The following ELOVL2 variants were observed in gnomAD, a reference collection of about 807,000 sequenced individuals.
ELOVL2 encodes the protein very long chain fatty acid elongase 2.
Under a neutral mutation model 37.7 loss-of-function variants are expected in ELOVL2, and 38 were observed. The ratio of observed to expected loss-of-function variants is 1.01; its 90% confidence interval spans 0.78 to 1.32. The LOEUF is 1.32. Ranked by LOEUF, ELOVL2 falls within the 40% of genes most tolerant of loss-of-function variation. ELOVL2 has a pLI of 0.00. For synonymous variants in ELOVL2, 115 were observed against 122.3 expected, an observed-to-expected ratio of 0.94 and a Z score of 0.40; for missense variants, 352 against 363.6, an observed-to-expected ratio of 0.97 and a Z score of 0.26.
At position 10,990,433 on chromosome 6, in the gene ELOVL2, C is replaced by A; in HGVS notation, c.515G>T (p.Gly172Val). 6.3e-7 allele frequency: 1 copy of A among 1,590,254 alleles called. No homozygotes were observed. Among genetic ancestry groups the A allele is most frequent in the South Asian group, 1.2e-5 (1 of 84,526 alleles). Reference protein sequence around the residue: ...NWIPCGQSFFGPTLNSFIHIL... With the variant: ...NWIPCGQSFFVPTLNSFIHIL... ...GTGGATAAAACTGTTCAGTGTTGGT[C>A]CAAAGAAACCTATAAAAGTACAGTA... Residue 172 changes from glycine to valine, a missense_variant, in exon 6 of 8, where the codon GGA (glycine) becomes GTA (valine). Physicochemically the swap from Gly to Val is moderately radical, Grantham distance 109. Transcript: ENST00000354666.
chr6:11,043,472 A>AG (rs1783140250), intron 1 of ELOVL2: 1 of 70,964 alleles, frequency 1.4e-5, no homozygotes, highest in Non-Finnish European at 2.4e-5. Flanking sequence ...GGGTGAACAC[A>AG]CACACACACA....
intron 1 of ELOVL2, among the ~76,000 whole-genome samples, chr6:11,039,696 A>C (rs1783071387): frequency 6.6e-6 from 1 of 152,372 alleles, no homozygotes; most frequent in African/African-American, 2.4e-5. Flanking sequence ...AAAGGAAAAT[A>C]AAACTCAAAG....
In ELOVL2 at chr6:10,982,452, A is replaced by G. The variant is rs969805319; in HGVS notation, c.*1329T>C. ...AAGATGAAGTGACTTCATCGAAGCT[A>G]ACAAGTTTTATTTTATAGGGTATAA... On this transcript the variant is annotated 3_prime_UTR_variant, in exon 8 of 8. Transcript: ENST00000354666. 1 of 152,232 alleles carries G rather than the reference A, an allele frequency of 6.6e-6. No individual in the cohort carries two copies. Among genetic ancestry groups the G allele is most frequent in the African/African-American group, 2.4e-5 (1 of 41,464 alleles). 9.4% of individuals were successfully genotyped at this position (152,232 alleles called of 1,614,324 possible).
rs1781937483 is a variant in ELOVL2 at position 10,981,754 on chromosome 6, G to T, written c.*2027C>A. The T allele has an allele frequency of 1.3e-5, 2 of 152,188 alleles. No homozygotes were observed. Among genetic ancestry groups the T allele is most frequent in the South Asian group, 4.1e-4 (2 of 4,826 alleles). The allele number at this position is 152,188 out of a possible 1,614,324, so 9.4% of individuals were successfully genotyped here. ...ACTGGCACGTAAGAATAAGCTGAAT[G>T]TGATGACCAGTGAGCATATTAGACC... On this transcript the variant is annotated 3_prime_UTR_variant, in exon 8 of 8. Transcript: ENST00000354666.
chr6:11,021,537 G>A (rs140727964), intron 1 of ELOVL2, among the ~76,000 whole-genome samples: 12 of 152,236 alleles, frequency 7.9e-5, no homozygotes, highest in Non-Finnish European at 1.6e-4. Context: ...AGGAGAGTAG[G>A]AAGAGAGAAC....
intron 7 of ELOVL2, among the ~76,000 whole-genome samples, chr6:10,984,878 T>A (rs1267096777): frequency 1.3e-5 from 2 of 152,200 alleles, no homozygotes; most frequent in Non-Finnish European, 2.9e-5. Flanking sequence ...ATATACCCAG[T>A]GATGGGATGG....
At chr6:11,026,077 G>A (rs1457674761) in intron 1 of ELOVL2, among the ~76,000 whole-genome samples, 1 of 152,226 alleles carries the variant, frequency 6.6e-6, no homozygotes, top group Admixed American at 6.5e-5. Flanking sequence ...GGATGGTGAA[G>A]TGGAAGCAGC....
intron 5 of ELOVL2, among the ~76,000 whole-genome samples, chr6:10,994,425 G>A (rs1782226083): frequency 2.1e-5 from 3 of 144,576 alleles, no homozygotes; most frequent in South Asian, 2.2e-4. Flanking sequence ...CTGAGATCGC[G>A]CCACTGCACT....
intron 5 of ELOVL2, among the ~76,000 whole-genome samples, chr6:10,991,719 T>C (rs1782162628): frequency 1.3e-5 from 2 of 152,202 alleles, no homozygotes; most frequent in African/African-American, 4.8e-5. Flanking sequence ...TGAATTTATA[T>C]GAAAACACAA....
At position 10,983,652 on chromosome 6, in the gene ELOVL2, T is replaced by G; in HGVS notation, c.*129A>C. 9.9e-7 allele frequency: 1 copy of G among 1,013,824 alleles called. No homozygotes were observed. Among genetic ancestry groups the G allele is most frequent in the Non-Finnish European group, 1.4e-6 (1 of 714,896 alleles). The allele number at this position is 1,013,824 out of a possible 1,614,324, so 62.8% of individuals were successfully genotyped here. A position where few individuals can be genotyped will look rare whatever the true frequency, so the allele number is the denominator to read the frequency against. ...CTAATAGCAATATATTAATACATTC[T>G]GGGTACAAATGATTTATGAACTCAA... On this transcript the variant is annotated 3_prime_UTR_variant, in exon 8 of 8. Coordinates refer to ENST00000354666, the MANE Select transcript of ELOVL2 (RefSeq NM_017770.4).
chr6:11,033,673 T>G (rs1231891874), intron 1 of ELOVL2, among the ~76,000 whole-genome samples: 2 of 152,222 alleles, frequency 1.3e-5, no homozygotes, highest in Non-Finnish European at 2.9e-5. Context: ...GTTAAGATTT[T>G]CAATTTTCAC....
intron 5 of ELOVL2, among the ~76,000 whole-genome samples, chr6:10,991,119 A>G (rs1056705565): frequency 5.3e-5 from 8 of 152,244 alleles, no homozygotes; most frequent in Admixed American, 6.5e-5. Context: ...TGCCTCCACC[A>G]TAGGTGAATA....
chr6:10,994,515 A>G (rs1451869766), intron 5 of ELOVL2, among the ~76,000 whole-genome samples: 1 of 151,472 alleles, frequency 6.6e-6, no homozygotes, highest in South Asian at 2.1e-4. Context: ...CTGGGTTGTG[A>G]TATAAAATGT....
intron 1 of ELOVL2, among the ~76,000 whole-genome samples, chr6:11,038,250 A>G (rs1177440016): frequency 6.6e-6 from 1 of 152,212 alleles, no homozygotes; most frequent in Non-Finnish European, 1.5e-5. Context: ...TAATAAATGT[A>G]AAATAGTATT....
chr6:11,041,479 G>A (rs1208512443), intron 1 of ELOVL2, among the ~76,000 whole-genome samples: 7 of 152,078 alleles, frequency 4.6e-5, no homozygotes, highest in African/African-American at 1.4e-4. Context: ...CTATACGTTC[G>A]AAGAATCGAA....
At chr6:11,020,315 T>C (rs1170723516) in intron 1 of ELOVL2, among the ~76,000 whole-genome samples, 1 of 152,226 alleles carries the variant, frequency 6.6e-6, no homozygotes, top group East Asian at 1.9e-4. Context: ...CTTGACTAAG[T>C]GAAAAGTAAC....
At chr6:11,020,318 A>C (rs1329420364) in intron 1 of ELOVL2, among the ~76,000 whole-genome samples, 1 of 152,236 alleles carries the variant, frequency 6.6e-6, no homozygotes, top group Non-Finnish European at 1.5e-5. Flanking sequence ...GACTAAGTGA[A>C]AAGTAACTTA....
chr6:10,983,673 C>T lies in ELOVL2; in HGVS notation c.*108G>A. On this transcript the variant is annotated 3_prime_UTR_variant, in exon 8 of 8. Transcript: ENST00000354666. The stretch of plus-strand genomic sequence containing the variant: ...ATTCTGGGTACAAATGATTTATGAA[C>T]TCAAAAGAAATTAGTTTATCCTAAA... 8.1e-7 allele frequency: 1 copy of T among 1,227,594 alleles called. No homozygotes were observed. Among genetic ancestry groups the T allele is most frequent in the Non-Finnish European group, 1.1e-6 (1 of 902,138 alleles). 76.0% of individuals were successfully genotyped at this position (1,227,594 alleles called of 1,614,324 possible).
intron 5 of ELOVL2, 83 bp downstream of exon 5, chr6:10,994,924 T>C: frequency 1.7e-6 from 2 of 1,144,930 alleles, no homozygotes; most frequent in Middle Eastern, 2.9e-4. Flanking sequence ...TCTCCTGATC[T>C]GCATGCGATG....
Sources: allele counts gnomAD v4.1 joint callset (sites outside exome capture counted in the v4.1 genomes callset), GRCh38; gene constraint gnomAD v4.1.1; transcripts MANE v1.5; gene names NCBI Gene and HGNC (gene_info 2026-07-23, HGNC 2026-07-21).